AMTN: variants seen among roughly 807,000 people sequenced by gnomAD.
AMTN encodes the protein RSTI689.
In AMTN, 29 loss-of-function variants were observed where a neutral mutation model predicts 27.4. That is an observed-to-expected ratio of 1.06 (90% confidence interval 0.79 to 1.44). The LOEUF is 1.44. Ranked by LOEUF, AMTN falls within the 40% of genes most tolerant of loss-of-function variation. The pLI is 0.00. For synonymous variants in AMTN, 86 were observed against 95.7 expected (o/e 0.90, Z 0.59); for missense variants, 247 against 248.8 (o/e 0.99, Z 0.05).
intron 5 of AMTN, among the ~76,000 whole-genome samples, chr4:70,527,473 C>T (rs1736124362): frequency 6.6e-6 from 1 of 152,086 alleles, no homozygotes; most frequent in African/African-American, 2.4e-5. Context: ...CACGTGAAGG[C>T]TAGTTGGGTT....
At chr4:70,525,408 A>T (rs1273534916) in intron 5 of AMTN, among the ~76,000 whole-genome samples, 1 of 152,136 alleles carries the variant, frequency 6.6e-6, no homozygotes, top group African/African-American at 2.4e-5. Context: ...TTCCCCCTTG[A>T]AAGTCCCCAA....
Position 70,518,747 on chromosome 4 carries a change from T to A in AMTN, c.-15-16T>A, listed in dbSNP as rs376829834. 6.5e-7 allele frequency: 1 copy of A among 1,532,930 alleles called. No homozygotes were observed. Among genetic ancestry groups the A allele is most frequent in the Non-Finnish European group, 9.0e-7 (1 of 1,106,978 alleles). The allele number at this position is 1,532,930 out of a possible 1,614,324, so 95.0% of individuals were successfully genotyped here. A position where few individuals can be genotyped will look rare whatever the true frequency, so the allele number is the denominator to read the frequency against. On this transcript the variant is annotated splice_polypyrimidine_tract_variant and intron_variant, in intron 1 of 8. Transcript: ENST00000339336. ...AAAAAAATACATGGAAGAGTAACAC[T>A]TTTTTGTTGTTGTAGGTAGCAATCT...
chr4:70,532,349 T>C, intron 8 of AMTN, 106 bp from the exon 9 acceptor site: 1 of 832,074 alleles, frequency 1.2e-6, no homozygotes, highest in Non-Finnish European at 1.9e-6. Context: ...TAAAGAATGA[T>C]ATGGATGCTC....
intron 5 of AMTN, among the ~76,000 whole-genome samples, chr4:70,527,465 C>T (rs187589027): frequency 6.9e-4 from 105 of 152,266 alleles, no homozygotes; most frequent in African/African-American, 2.4e-3. Context: ...CCCATTGCCA[C>T]GTGAAGGCTA....
At position 70,529,178 on chromosome 4, in the gene AMTN, T is replaced by C. The variant is rs1577935361; in HGVS notation, c.331-6T>C. The C allele has an allele frequency of 6.4e-7, 1 of 1,558,130 alleles. No individual in the cohort carries two copies. The highest frequency in any genetic ancestry group is 2.1e-5 in the Admixed American group (1 of 46,876). On this transcript the variant is annotated splice_region_variant and splice_polypyrimidine_tract_variant and intron_variant, in intron 6 of 8. Transcript: ENST00000339336. ...TAACAAATTGTGTTTGTCATTTTGCTTTTAGGGCACTATCCTAAGCTCAGA... is the reference window on the plus strand; with the variant it reads ...TAACAAATTGTGTTTGTCATTTTGCCTTTAGGGCACTATCCTAAGCTCAGA...
chr4:70,531,795 C>A (rs181029109), intron 8 of AMTN, among the ~76,000 whole-genome samples: 10 of 151,514 alleles, frequency 6.6e-5, no homozygotes, highest in African/African-American at 2.4e-4. Context: ...TACAGGAGTG[C>A]GCCACCGCAC....
At position 70,518,632 on chromosome 4, in the gene AMTN, C is replaced by G. The variant is rs1300817296; in HGVS notation, c.-38C>G. ...AACCAACTGGACCTTGAGTATTGTA[C>G]ATTTTGCCTCGTGGACCCAAAGGTA... On this transcript the variant is annotated 5_prime_UTR_variant, in exon 1 of 9. Coordinates refer to ENST00000339336, the MANE Select transcript of AMTN (RefSeq NM_212557.4). 6.2e-6 allele frequency: 4 copies of G among 647,466 alleles called. No individual in the cohort carries two copies. The highest frequency in any genetic ancestry group is 1.1e-5 in the Non-Finnish European group (4 of 371,282). 40.1% of individuals were successfully genotyped at this position (647,466 alleles called of 1,614,324 possible). A position where few individuals can be genotyped will look rare whatever the true frequency, so the allele number is the denominator to read the frequency against.
At chr4:70,527,193 G>T (rs1166962393) in intron 5 of AMTN, among the ~76,000 whole-genome samples, 1 of 152,156 alleles carries the variant, frequency 6.6e-6, no homozygotes. Context: ...TAAATATATG[G>T]AAAACACTTA....
chr4:70,531,000 GC>G, intron 7 of AMTN, 38 bp from the exon 8 acceptor site: 1 of 1,609,040 alleles, frequency 6.2e-7, no homozygotes, highest in Non-Finnish European at 8.5e-7. Context: ...AAAATGTGTT[GC>G]TTTTAACTTT....
intron 5 of AMTN, among the ~76,000 whole-genome samples, chr4:70,525,512 T>C (rs1440507226): frequency 6.6e-6 from 1 of 152,202 alleles, no homozygotes; most frequent in Non-Finnish European, 1.5e-5. Context: ...ACGACATACT[T>C]TAGGCATCAC....
At chr4:70,526,329 A>G (rs1000440233) in intron 5 of AMTN, among the ~76,000 whole-genome samples, 6 of 152,118 alleles carry the variant, frequency 3.9e-5, no homozygotes, top group Non-Finnish European at 5.9e-5. Context: ...TTCACTCACA[A>G]TGTTGTTTTT....
intron 3 of AMTN, among the ~76,000 whole-genome samples, chr4:70,523,262 G>T (rs1736019413): frequency 6.6e-6 from 1 of 152,198 alleles, no homozygotes. Context: ...TCCTGGCTTT[G>T]TAAAGTTTCA....
At chr4:70,518,901 C>G (rs1735881250) in intron 2 of AMTN, 70 bp downstream of exon 2, 1 of 1,232,096 alleles carries the variant, frequency 8.1e-7, no homozygotes, top group Non-Finnish European at 1.2e-6. Context: ...ACCTACCTCT[C>G]TCCTGCCCTC....
chr4:70,532,570 T>C lies in AMTN; in HGVS notation c.*105T>C. 2 of 1,016,216 alleles carry C rather than the reference T, an allele frequency of 2.0e-6. No homozygotes were observed. Among genetic ancestry groups the C allele is most frequent in the Non-Finnish European group, 2.9e-6 (2 of 685,806 alleles). The allele number at this position is 1,016,216 out of a possible 1,614,324, so 62.9% of individuals were successfully genotyped here. A position where few individuals can be genotyped will look rare whatever the true frequency, so the allele number is the denominator to read the frequency against. On this transcript the variant is annotated 3_prime_UTR_variant, in exon 9 of 9. Transcript: ENST00000339336. ...TAGATTGAGACACATTGGATAGTCT[T>C]AGAAGAAATTAATTCTTAATTTACC...
intron 5 of AMTN, among the ~76,000 whole-genome samples, chr4:70,527,246 G>A (rs964913478): frequency 3.9e-5 from 6 of 152,088 alleles, no homozygotes; most frequent in African/African-American, 9.7e-5. Flanking sequence ...GTGTTATTAC[G>A]ATTTCAAATA....
intron 5 of AMTN, among the ~76,000 whole-genome samples, chr4:70,528,227 T>TC (rs71210185): frequency 0.68 from 102,841 of 152,004 alleles, 35,435 homozygotes; most frequent in African/African-American, 0.76. Flanking sequence ...TCTAAATCTC[T>TC]TGGGACTAAT....
intron 2 of AMTN, 58 bp from the exon 3 acceptor site, chr4:70,522,697 G>T (rs2109770236): frequency 6.5e-7 from 1 of 1,545,998 alleles, no homozygotes; most frequent in South Asian, 1.1e-5. Flanking sequence ...GATATAAATG[G>T]ACACAAAATC....
At chr4:70,520,567 T>C (rs1467842865) in intron 2 of AMTN, among the ~76,000 whole-genome samples, 1 of 152,224 alleles carries the variant, frequency 6.6e-6, no homozygotes, top group Admixed American at 6.5e-5. Flanking sequence ...CAACTATTTA[T>C]TGAGTTCTTA....
At chr4:70,530,534 G>C (rs183600138) in intron 7 of AMTN, among the ~76,000 whole-genome samples, 1 of 152,284 alleles carries the variant, frequency 6.6e-6, no homozygotes. Context: ...GCTAGGTCCT[G>C]CTCCAGACCT....
Sources: gnomAD v4.1 joint callset for allele counts (sites outside exome capture counted in the v4.1 genomes callset) on GRCh38, gnomAD v4.1.1 for gene constraint, MANE v1.5 for transcripts, NCBI Gene and HGNC (gene_info 2026-07-23, HGNC 2026-07-21) for gene names.